The following MTUS2 variants were observed in gnomAD, a reference collection of about 807,000 sequenced individuals.
The protein encoded by MTUS2 is microtubule-associated tumor suppressor candidate 2.
Under a neutral mutation model 114.1 loss-of-function variants are expected in MTUS2, and 40 were observed. The ratio of observed to expected loss-of-function variants is 0.35; its 90% CI spans 0.27 to 0.46. The LOEUF (loss-of-function observed/expected upper bound fraction) is 0.46, where lower values mean the gene tolerates loss of function less well. MTUS2 is among the 20% of genes least tolerant of loss of function. The pLI, the probability that MTUS2 is intolerant of heterozygous loss-of-function variation, is 1.00. For missense variants in MTUS2, 1,679 were observed against 1,705.4 expected, an observed-to-expected ratio of 0.98 and a Z score of 0.27; for synonymous variants, 688 against 672.0, an observed-to-expected ratio of 1.02 and a Z score of -0.37.
intron 2 of MTUS2, among the ~76,000 whole-genome samples, chr13:28,899,282 C>T (rs1256762464): frequency 2.0e-5 from 3 of 152,208 alleles, no homozygotes; most frequent in Non-Finnish European, 4.4e-5. Flanking sequence ...CTCTGTATAT[C>T]GTGAACTGTA....
chr13:28,855,015 G>A (rs1385082124), intron 2 of MTUS2, among the ~76,000 whole-genome samples: 1 of 152,076 alleles, frequency 6.6e-6, no homozygotes, highest in African/African-American at 2.4e-5. Flanking sequence ...GTGTTTCTCC[G>A]AGGTTCCCAG....
intron 4 of MTUS2, among the ~76,000 whole-genome samples, chr13:29,084,785 C>A (rs527918363): frequency 2.7e-5 from 3 of 110,914 alleles, no homozygotes; most frequent in Non-Finnish European, 3.9e-5. Flanking sequence ...TGATCCACCC[C>A]CCCCCCTCAC....
intron 5 of MTUS2, among the ~76,000 whole-genome samples, chr13:29,111,212 G>A (rs1890870412): frequency 6.6e-6 from 1 of 152,144 alleles, no homozygotes; most frequent in Non-Finnish European, 1.5e-5. Flanking sequence ...AGACATCTTG[G>A]TTCTTCCAAA....
At chr13:29,104,493 G>A (rs780296821) in intron 5 of MTUS2, among the ~76,000 whole-genome samples, 6 of 152,200 alleles carry the variant, frequency 3.9e-5, no homozygotes, top group Admixed American at 6.5e-5. Flanking sequence ...CAGCCCCTGC[G>A]GGAATGCTCT....
intron 9 of MTUS2, among the ~76,000 whole-genome samples, chr13:29,443,960 G>T (rs1878090181): frequency 6.6e-6 from 1 of 152,164 alleles, no homozygotes; most frequent in Non-Finnish European, 1.5e-5. Context: ...AGAATAGTTA[G>T]ATGTATTTAT....
At chr13:28,902,630 T>C (rs1468287783) in intron 2 of MTUS2, among the ~76,000 whole-genome samples, 1 of 152,144 alleles carries the variant, frequency 6.6e-6, no homozygotes, top group East Asian at 1.9e-4. Context: ...ATTACATTGA[T>C]TGATTTTCAA....
chr13:29,351,778 A>AT (rs10706342), intron 7 of MTUS2, among the ~76,000 whole-genome samples: 33 of 141,588 alleles, frequency 2.3e-4, no homozygotes, highest in Middle Eastern at 3.5e-3. Context: ...AATTTTGTTT[A>AT]TTTTTTTTTT....
chr13:29,426,504 ACT>A (rs1386358096), intron 8 of MTUS2, among the ~76,000 whole-genome samples: 1 of 151,862 alleles, frequency 6.6e-6, no homozygotes, highest in Admixed American at 6.6e-5. Flanking sequence ...TAAGACTAAA[ACT>A]CTGTATTCAT....
At chr13:29,036,980 C>G in intron 4 of MTUS2, among the ~76,000 whole-genome samples, 1 of 152,050 alleles carries the variant, frequency 6.6e-6, no homozygotes, top group Admixed American at 6.6e-5. Flanking sequence ...CAGTCTGTGT[C>G]TTTTAAGTGG....
Position 29,111,338 on chromosome 13 carries a change from C to CT in MTUS2, c.2644+10374dup, listed in dbSNP as rs543549774. ...ACAGTGCAAAGGTTTTACTGCCTTGCTTTTTTCTGTAAAATGCAGAGCTAT... is the reference window on the plus strand; with the variant it reads ...ACAGTGCAAAGGTTTTACTGCCTTGCTTTTTTTCTGTAAAATGCAGAGCTAT... On this transcript the variant is annotated intron_variant, in intron 5 of 15. Transcript: ENST00000612955. Among the ~76,000 whole-genome samples the CT allele has an allele frequency of 2.0e-4, 31 of 152,204 alleles. No individual in the cohort carries two copies. The East Asian group carries it at 5.4e-3, about 26-fold the overall frequency.
chr13:29,079,804 C>T (rs1246234578), intron 4 of MTUS2, among the ~76,000 whole-genome samples: 1 of 152,152 alleles, frequency 6.6e-6, no homozygotes. Flanking sequence ...TAGCTTTACA[C>T]TAAGCTTTGA....
At chr13:28,855,438 T>C (rs760386270) in intron 2 of MTUS2, among the ~76,000 whole-genome samples, 2 of 152,066 alleles carry the variant, frequency 1.3e-5, no homozygotes, top group African/African-American at 4.8e-5. Context: ...GCCCCACTAC[T>C]GACAGGCCCC....
In MTUS2 at chr13:28,913,309, G is replaced by A. The variant is rs376032342; in HGVS notation, c.-243+73459G>A. ...TCCTTCAATACCTAGTTTATTGAGA[G>A]TTTTTAACATGAGGGAATGTTGAAT... On this transcript the variant is annotated intron_variant, in intron 2 of 15. Transcript: ENST00000612955. 9.2e-5 allele frequency among the ~76,000 whole-genome samples: 14 copies of A among 152,292 alleles called. No individual in the cohort carries two copies. The East Asian group carries it at 1.9e-3, about 21-fold the overall frequency.
intron 2 of MTUS2, among the ~76,000 whole-genome samples, chr13:28,862,872 A>C (rs1394838891): frequency 1.3e-5 from 2 of 152,246 alleles, no homozygotes; most frequent in Non-Finnish European, 1.5e-5. Context: ...GAAGAAATAC[A>C]TCATAATAGA....
Position 29,034,108 on chromosome 13 carries a change from A to G in MTUS2, c.2429A>G (p.Tyr810Cys), listed in dbSNP as rs1358016980. 1 of 1,613,906 alleles carries G rather than the reference A, an allele frequency of 6.2e-7. No homozygotes were observed. The highest frequency in any genetic ancestry group is 1.3e-5 in the African/African-American group (1 of 74,938). ...CCCATAACAACAGCCACCAGTCTCT[A>G]CAGTTCCGATCCTTCAGGTAACCGA... ...PGPITTATSL[Y>C]SSDPSADLKK... Residue 810 changes from tyrosine to cysteine, a missense_variant, in exon 4 of 16, where the codon TAC (tyrosine) becomes TGC (cysteine). Tyr to Cys is a radical substitution (Grantham distance 194). Coordinates refer to ENST00000612955, the MANE Select transcript of MTUS2 (RefSeq NM_001033602.4).
At chr13:29,054,836 A>G (rs1888058037) in intron 4 of MTUS2, among the ~76,000 whole-genome samples, 1 of 152,092 alleles carries the variant, frequency 6.6e-6, no homozygotes, top group South Asian at 2.1e-4. Context: ...TATTTGGCCC[A>G]GAGTCTATTT....
chr13:29,425,480 G>A (rs1006245858), intron 8 of MTUS2, among the ~76,000 whole-genome samples: 9 of 152,120 alleles, frequency 5.9e-5, no homozygotes, highest in Non-Finnish European at 1.2e-4. Context: ...CAAGGGACAA[G>A]TGAAAATAAG....
chr13:29,435,378 G>A (rs1231045766), intron 8 of MTUS2, among the ~76,000 whole-genome samples: 1 of 152,166 alleles, frequency 6.6e-6, no homozygotes, highest in Non-Finnish European at 1.5e-5. Context: ...CCCCCATTTA[G>A]AGAGGCACTG....
chr13:28,959,575 G>A (rs951783305), intron 2 of MTUS2, among the ~76,000 whole-genome samples: 13 of 152,178 alleles, frequency 8.5e-5, no homozygotes, highest in African/African-American at 2.9e-4. Context: ...GAGGGCCTCA[G>A]GAAGCTTCCA....
Sources: allele counts gnomAD v4.1 joint callset (sites outside exome capture counted in the v4.1 genomes callset), GRCh38; gene constraint gnomAD v4.1.1; transcripts MANE v1.5; gene names NCBI Gene and HGNC (gene_info 2026-07-23, HGNC 2026-07-21).